The following ANO2 variants were observed in gnomAD, a reference collection of about 807,000 sequenced individuals.
The protein encoded by ANO2 is anoctamin 2, also known as anoctamin-2.
In ANO2, 101 loss-of-function variants were observed where a neutral mutation model predicts 124.2. The observed-to-expected ratio is 0.81, with a 90% confidence interval of 0.69 to 0.96. ANO2 has a LOEUF of 0.96. Ranked by LOEUF, ANO2 falls within the 40% of genes least tolerant of loss-of-function variation. ANO2 has a pLI of 0.00. For missense variants in ANO2, 1,293 were observed against 1,274.5 expected (o/e 1.01, Z -0.22); for synonymous variants, 486 against 482.5 (o/e 1.01, Z -0.09).
chr12:5,920,117 G>A (rs1420304561), intron 3 of ANO2, among the ~76,000 whole-genome samples: 1 of 152,030 alleles, frequency 6.6e-6, no homozygotes, highest in Non-Finnish European at 1.5e-5. Context: ...GGACAGATGG[G>A]TGGATGAATG....
chr12:5,736,905 A>T (rs1220007504), intron 13 of ANO2, among the ~76,000 whole-genome samples: 5 of 152,170 alleles, frequency 3.3e-5, no homozygotes, highest in African/African-American at 9.7e-5. Context: ...CCAGTCTTCA[A>T]AACCCTGATT....
chr12:5,719,609 C>G (rs1322232602), intron 14 of ANO2, among the ~76,000 whole-genome samples: 2 of 152,200 alleles, frequency 1.3e-5, no homozygotes, highest in Non-Finnish European at 2.9e-5. Flanking sequence ...ATCTTGGAAG[C>G]AGACAACAGC....
At position 5,807,382 on chromosome 12, in the gene ANO2, G is replaced by A; in HGVS notation, c.893-14C>T. 1.3e-6 allele frequency: 2 copies of A among 1,551,642 alleles called. No individual in the cohort carries two copies. The highest frequency in any genetic ancestry group is 1.7e-6 in the Non-Finnish European group (2 of 1,147,390). Reference sequence around the variant, plus strand: ...GAGAGTTAATACCTACGGAAGAAAGGGAGATGAAAATAGTAACTCTGGGGC... The same window carrying A: ...GAGAGTTAATACCTACGGAAGAAAGAGAGATGAAAATAGTAACTCTGGGGC... On this transcript the variant is annotated splice_polypyrimidine_tract_variant and intron_variant, in intron 7 of 24. Transcript: ENST00000682330.
chr12:5,623,439 T>G (rs1451408388), intron 16 of ANO2, among the ~76,000 whole-genome samples: 1 of 152,216 alleles, frequency 6.6e-6, no homozygotes. Context: ...GGAATTTCTG[T>G]GCAGAGCCAT....
intron 4 of ANO2, among the ~76,000 whole-genome samples, chr12:5,851,494 G>A (rs1591695872): frequency 1.3e-5 from 2 of 152,020 alleles, no homozygotes; most frequent in East Asian, 3.9e-4. Context: ...GAGACCAGCT[G>A]GCCAACATGG....
chr12:5,760,411 A>C (rs1439138976), intron 10 of ANO2, among the ~76,000 whole-genome samples: 1 of 152,236 alleles, frequency 6.6e-6, no homozygotes, highest in African/African-American at 2.4e-5. Flanking sequence ...GAAGGACTAA[A>C]GAGTAAGAAC....
At chr12:5,743,472 C>CGTGTGTGTGTGTGT (rs112084814) in intron 12 of ANO2, among the ~76,000 whole-genome samples, 15 of 149,566 alleles carry the variant, frequency 1.0e-4, no homozygotes, top group Non-Finnish European at 1.6e-4. Context: ...TGAGAATAGG[C>CGTGTGTGTGTGTGT]GTGTGTGTGT....
chr12:5,615,291 G>A lies in ANO2; in HGVS notation c.1823C>T (p.Pro608Leu), dbSNP rs753877340. The change falls in exon 17 of 25, where the codon CCG (proline) becomes CTG (leucine). Residue 608 changes from proline (P) to leucine (L), a missense_variant. Physicochemically the swap from Pro to Leu is moderately conservative, Grantham distance 98. Coordinates refer to ENST00000682330, the MANE Select transcript of ANO2 (RefSeq NM_001364791.2). ...VAKWLTKIEVPKTEQTFEERL... is the reference protein window; with the variant it reads ...VAKWLTKIEVLKTEQTFEERL... ...CTCTTCAAAAGTCTGTTCTGTTTTC[G>A]GAACCTCTGTAAGAGAAGAGCGAGG... 2.2e-5 allele frequency: 35 copies of A among 1,612,060 alleles called. No individual in the cohort carries two copies. The highest frequency in any genetic ancestry group is 6.7e-5 in the African/African-American group (5 of 75,002).
At chr12:5,727,306 T>TC (rs947788459) in intron 14 of ANO2, among the ~76,000 whole-genome samples, 1 of 151,876 alleles carries the variant, frequency 6.6e-6, no homozygotes, top group Non-Finnish European at 1.5e-5. Flanking sequence ...ACGTGCCTGC[T>TC]CCCCCTTCGC....
intron 3 of ANO2, among the ~76,000 whole-genome samples, chr12:5,907,141 C>G (rs1190288841): frequency 2.6e-5 from 4 of 152,226 alleles, no homozygotes; most frequent in African/African-American, 9.6e-5. Flanking sequence ...TCTCGGATCT[C>G]CTGCAGCCAA....
intron 16 of ANO2, among the ~76,000 whole-genome samples, chr12:5,630,431 C>A (rs1409263964): frequency 6.6e-6 from 1 of 152,182 alleles, no homozygotes. Context: ...TGTGGGTATT[C>A]TTTGCCATTA....
Position 5,888,882 on chromosome 12 carries a change from A to G in ANO2, c.534+32158T>C, listed in dbSNP as rs377186327. On this transcript the variant is annotated intron_variant, in intron 3 of 24. Transcript: ENST00000682330. ...GCAGGTGGAGCTGCCTGCCAGTCCC[A>G]CGCCGTGCGCCCACACTCCTCAGCC... Among the ~76,000 whole-genome samples the G allele has an allele frequency of 5.4e-3, 824 of 152,304 alleles. 6 individuals carry two copies. The highest frequency in any genetic ancestry group is 0.019 in the African/African-American group (800 of 41,570).
chr12:5,665,508 G>T (rs251775), intron 14 of ANO2, among the ~76,000 whole-genome samples: 1 of 151,992 alleles, frequency 6.6e-6, no homozygotes, highest in African/African-American at 2.4e-5. Flanking sequence ...AATAGAGACA[G>T]ACTGGCATAA....
intron 7 of ANO2, among the ~76,000 whole-genome samples, chr12:5,820,651 C>T (rs1211190260): frequency 1.3e-5 from 2 of 152,166 alleles, no homozygotes; most frequent in African/African-American, 2.4e-5. Context: ...GAAACAATAT[C>T]GCATCCCTGG....
intron 9 of ANO2, among the ~76,000 whole-genome samples, chr12:5,801,032 G>A (rs1417695117): frequency 6.6e-6 from 1 of 152,172 alleles, no homozygotes; most frequent in African/African-American, 2.4e-5. Context: ...TGGCATCCAG[G>A]AAGCTAAGGG....
At chr12:5,838,781 C>A (rs1954410145) in intron 4 of ANO2, among the ~76,000 whole-genome samples, 1 of 152,196 alleles carries the variant, frequency 6.6e-6, no homozygotes. Flanking sequence ...GTCTCAAATT[C>A]TCAGTTGATT....
intron 9 of ANO2, among the ~76,000 whole-genome samples, chr12:5,804,235 C>T (rs1331351175): frequency 2.0e-5 from 3 of 152,206 alleles, no homozygotes; most frequent in African/African-American, 7.2e-5. Flanking sequence ...GTTGTAGGCA[C>T]CACCCACATA....
chr12:5,563,255 C>A lies in ANO2; in HGVS notation c.*44G>T. The A allele has an allele frequency of 6.4e-7, 1 of 1,561,494 alleles. No individual in the cohort carries two copies. ...GTAGGAACATGCTTACGTGCATGTG[C>A]GTGTCTCTGCTGCCGTGCCCTCCTC... On this transcript the variant is annotated 3_prime_UTR_variant, in exon 25 of 25. Transcript: ENST00000682330.
At chr12:5,782,518 G>GT (rs1187210974) in intron 10 of ANO2, among the ~76,000 whole-genome samples, 1 of 151,962 alleles carries the variant, frequency 6.6e-6, no homozygotes, top group Non-Finnish European at 1.5e-5. Context: ...AACTAACCTT[G>GT]TTTTTTTCAG....
Sources: allele counts gnomAD v4.1 joint callset (sites outside exome capture counted in the v4.1 genomes callset), GRCh38; gene constraint gnomAD v4.1.1; transcripts MANE v1.5; gene names NCBI Gene and HGNC (gene_info 2026-07-23, HGNC 2026-07-21).